Variants in PSMA7 observed in about 807,000 individuals in gnomAD.
The protein encoded by PSMA7 is proteasome 20S subunit alpha 7.
In PSMA7, 5 loss-of-function variants were observed where a neutral mutation model predicts 31.3. The observed-to-expected ratio is 0.16, with a 90% CI of 0.08 to 0.34. The LOEUF is 0.34. Ranked by LOEUF, PSMA7 falls within the 10% of genes least tolerant of loss-of-function variation. The pLI, the probability that PSMA7 is intolerant of heterozygous loss-of-function variation, is 1.00. For synonymous variants in PSMA7, 155 were observed against 121.9 expected (o/e 1.27, Z -1.79); for missense variants, 217 against 327.5 (o/e 0.66, Z 2.60).
chr20:62,139,201 G>C lies in PSMA7; in HGVS notation c.349-4C>G. The C allele has an allele frequency of 6.2e-7, 1 of 1,613,202 alleles. No homozygotes were observed. The highest frequency in any genetic ancestry group is 8.5e-7 in the Non-Finnish European group (1 of 1,179,476). Reference sequence around the variant, plus strand: ...GCCCATTGCTCTGCGTATAACGCTAGCAAGAAAAGAAACAGGTCAGTGCCA... The same window carrying C: ...GCCCATTGCTCTGCGTATAACGCTACCAAGAAAAGAAACAGGTCAGTGCCA... On this transcript the variant is annotated splice_region_variant and splice_polypyrimidine_tract_variant and intron_variant, in intron 3 of 6. Coordinates refer to ENST00000370873, the MANE Select transcript of PSMA7 (RefSeq NM_002792.4).
intron 4 of PSMA7, 130 bp downstream of exon 4, chr20:62,138,945 T>C: frequency 8.2e-7 from 1 of 1,221,792 alleles, no homozygotes; most frequent in East Asian, 2.4e-5. Context: ...TTTCTTGCTC[T>C]CATAGGACTA....
chr20:62,140,088 T>A (rs2056918556), intron 2 of PSMA7, among the ~76,000 whole-genome samples, 183 bp from the exon 3 acceptor site: 1 of 152,210 alleles, frequency 6.6e-6, no homozygotes, highest in Non-Finnish European at 1.5e-5. Context: ...GTACAGATGC[T>A]TCTTGATGTG....
intron 2 of PSMA7, 142 bp downstream of exon 2, chr20:62,140,676 G>T: frequency 8.8e-7 from 1 of 1,141,476 alleles, no homozygotes; most frequent in Non-Finnish European, 1.2e-6. Context: ...CAACTTAAAA[G>T]TCCAAATCCA....
intron 4 of PSMA7, 109 bp from the exon 5 acceptor site, chr20:62,138,399 G>C (rs1012058456): frequency 7.0e-7 from 1 of 1,430,794 alleles, no homozygotes; most frequent in African/African-American, 1.4e-5. Context: ...AGTGGCAGGA[G>C]GCAAGCTGGA....
intron 1 of PSMA7, 80 bp downstream of exon 1, chr20:62,143,128 G>GCCCGGCCCCGGCCCTCTCTGGGCTC: frequency 1.1e-6 from 1 of 935,966 alleles, no homozygotes; most frequent in Non-Finnish European, 1.3e-6. Context: ...ACAGCGCCGC[G>GCCCGGCCCCGGCCCTCTCTGGGCTC]CCCGGCCCCG....
chr20:62,140,452 C>CT (rs749999109), intron 2 of PSMA7, among the ~76,000 whole-genome samples: 1 of 152,198 alleles, frequency 6.6e-6, no homozygotes, highest in Non-Finnish European at 1.5e-5. Flanking sequence ...CAGTGTGGTC[C>CT]TTTTTACTGC....
chr20:62,140,474 G>A (rs977412961), intron 2 of PSMA7, among the ~76,000 whole-genome samples: 2 of 152,218 alleles, frequency 1.3e-5, no homozygotes, highest in Admixed American at 1.3e-4. Context: ...GGGGATGGCA[G>A]GACGTGGTTC....
chr20:62,139,049 C>A, intron 4 of PSMA7, 26 bp downstream of exon 4: 1 of 1,611,790 alleles, frequency 6.2e-7, no homozygotes, highest in Non-Finnish European at 8.5e-7. Flanking sequence ...GCAAGACTGT[C>A]CAAAGCCCCT....
intron 4 of PSMA7, 103 bp from the exon 5 acceptor site, chr20:62,138,393 G>A (rs2056907705): frequency 6.9e-7 from 1 of 1,454,444 alleles, no homozygotes; most frequent in African/African-American, 1.4e-5. Flanking sequence ...AGTGGCAGTG[G>A]CAGGAGGCAA....
In PSMA7 at chr20:62,138,272, C is replaced by G; in HGVS notation, c.490G>C (p.Gly164Arg). 6.2e-7 allele frequency: 1 copy of G among 1,612,302 alleles called. No individual in the cohort carries two copies. The highest frequency in any genetic ancestry group is 8.5e-7 in the Non-Finnish European group (1 of 1,178,906). ...HAWKANAIGR[G>R]AKSVREFLEK... Reference sequence around the variant, plus strand: ...AGGAACTCGCGCACTGACTTGGCACCCCGACCTATGGCATTGGCCTAAAAC... The same window carrying G: ...AGGAACTCGCGCACTGACTTGGCACGCCGACCTATGGCATTGGCCTAAAAC... Residue 164 changes from glycine (G) to arginine (R), a missense_variant, in exon 5 of 7, where the codon GGT becomes CGT. Gly to Arg is a moderately radical substitution (Grantham distance 125, BLOSUM62 -2). Around this residue, in one of 3 missense-constraint regions of PSMA7, gnomAD observed 88 missense variants for 111.6 expected, o/e 0.79. Coordinates refer to ENST00000370873, the MANE Select transcript of PSMA7 (RefSeq NM_002792.4).
intron 2 of PSMA7, among the ~76,000 whole-genome samples, 153 bp downstream of exon 2, chr20:62,140,665 C>T (rs2056922395): frequency 6.6e-6 from 1 of 152,216 alleles, no homozygotes; most frequent in Admixed American, 6.5e-5. Context: ...AAGAAACTAG[C>T]CAACTTAAAA....
rs1472522595 is a variant in PSMA7, at chr20:62,143,231, C to T, written c.73G>A (p.Ala25Thr). 1 of 1,458,258 alleles carries T rather than the reference C, an allele frequency of 6.9e-7. No individual in the cohort carries two copies. Among genetic ancestry groups the T allele is most frequent in the South Asian group, 1.2e-5 (1 of 81,352 alleles). 90.3% of individuals were successfully genotyped at this position (1,458,258 alleles called of 1,614,324 possible). A position where few individuals can be genotyped will look rare whatever the true frequency, so the allele number is the denominator to read the frequency against. Residue 25 changes from alanine (A) to threonine (T), a missense_variant, in exon 1 of 7, where the codon GCC becomes ACC. Physicochemically the swap from Ala to Thr is moderately conservative, Grantham distance 58 (BLOSUM62 0). This residue lies in a region of PSMA7 where 76 missense variants were observed against 96.5 expected (regional missense o/e 0.79). Coordinates refer to ENST00000370873, the MANE Select transcript of PSMA7 (RefSeq NM_002792.4). ...ACCGCGGTCGAGCCCTTCTTGACGG[C>T]CTCCTGCGCGTACTCCACTTGGAAG... Reference protein sequence around the residue: ...HLFQVEYAQEAVKKGSTAVGV... With the variant: ...HLFQVEYAQETVKKGSTAVGV...
chr20:62,139,410 T>C (rs1015042108), intron 3 of PSMA7: 1 of 682,118 alleles, frequency 1.5e-6, no homozygotes, highest in African/African-American at 1.8e-5. Context: ...AATTGTGAAC[T>C]CAGGTTACTG....
At chr20:62,142,796 C>A (rs984637607) in intron 1 of PSMA7, among the ~76,000 whole-genome samples, 1 of 152,192 alleles carries the variant, frequency 6.6e-6, no homozygotes, top group African/African-American at 2.4e-5. Context: ...GCGTGAACAG[C>A]CCCCCAGCGA....
At chr20:62,139,668 C>T (rs2056915258) in intron 3 of PSMA7, 113 bp downstream of exon 3, 1 of 1,554,204 alleles carries the variant, frequency 6.4e-7, no homozygotes, top group Non-Finnish European at 8.9e-7. Context: ...AGGATCACGC[C>T]CCAGAATAAA....
chr20:62,138,396 G>A lies in PSMA7; in HGVS notation c.472-106C>T. The A allele has an allele frequency of 4.2e-6, 6 of 1,444,900 alleles. No individual in the cohort carries two copies. The South Asian group carries it at 8.2e-5, about 20-fold the overall frequency. The allele number at this position is 1,444,900 out of a possible 1,614,324, so 89.5% of individuals were successfully genotyped here. A position where few individuals can be genotyped will look rare whatever the true frequency, so the allele number is the denominator to read the frequency against. ...GGCCGCCCAGCCAGTGGCAGTGGCA[G>A]GAGGCAAGCTGGAGTGCTGGACAGC... On this transcript the variant is annotated intron_variant, in intron 4 of 6. Coordinates refer to ENST00000370873, the MANE Select transcript of PSMA7 (RefSeq NM_002792.4).
rs2056895570 is a variant in PSMA7 at position 62,136,741 on chromosome 20, AC to A, written c.*115del. 1 of 1,400,132 alleles carries A rather than the reference AC, an allele frequency of 7.1e-7. No individual in the cohort carries two copies. Among genetic ancestry groups the A allele is most frequent in the African/African-American group, 1.5e-5 (1 of 68,242 alleles). The allele number at this position is 1,400,132 out of a possible 1,614,324, so 86.7% of individuals were successfully genotyped here. A position where few individuals can be genotyped will look rare whatever the true frequency, so the allele number is the denominator to read the frequency against. On this transcript the variant is annotated 3_prime_UTR_variant, in exon 7 of 7. Transcript: ENST00000370873. ...TTAAAAAAAAAAACAGGTTAAAAAT[AC>A]GGAAGTTTATTGTAGGACACTCAGT... is the stretch of plus-strand genomic sequence containing the variant.
intron 1 of PSMA7, 122 bp downstream of exon 1, chr20:62,143,086 C>T (rs1427179346): frequency 4.6e-6 from 2 of 437,410 alleles, no homozygotes; most frequent in Non-Finnish European, 6.1e-6. Flanking sequence ...TGACCGCCCG[C>T]GCCGCTGCCC....
intron 1 of PSMA7, among the ~76,000 whole-genome samples, chr20:62,141,569 T>C (rs1339054635): frequency 1.3e-5 from 2 of 152,260 alleles, no homozygotes; most frequent in Non-Finnish European, 2.9e-5. Flanking sequence ...GTAACCATTA[T>C]ATAATCGGCA....
Sources: allele counts gnomAD v4.1 joint callset (sites outside exome capture counted in the v4.1 genomes callset), GRCh38; gene constraint gnomAD v4.1.1; regional missense constraint gnomAD v4.1.1; transcripts MANE v1.5; gene names NCBI Gene and HGNC (gene_info 2026-07-23, HGNC 2026-07-21).